FRMD4A: variants seen among roughly 807,000 people sequenced by gnomAD.
FRMD4A encodes the protein FERM domain-containing protein 4A.
Under a neutral mutation model 129.1 loss-of-function variants are expected in FRMD4A, and 29 were observed. That is an observed-to-expected ratio of 0.22 (90% confidence interval 0.17 to 0.31). The LOEUF (loss-of-function observed/expected upper bound fraction) is 0.31. Among genes scored for constraint, FRMD4A ranks in the 10% least tolerant of loss-of-function variants. FRMD4A has a pLI of 1.00. For missense variants in FRMD4A, 1,272 were observed against 1,375.8 expected, an observed-to-expected ratio of 0.92 and a Z score of 1.19; for synonymous variants, 634 against 571.6, an observed-to-expected ratio of 1.11 and a Z score of -1.56.
intron 4 of FRMD4A, among the ~76,000 whole-genome samples, chr10:13,803,373 C>T (rs1330372142): frequency 1.3e-5 from 2 of 152,050 alleles, no homozygotes; most frequent in African/African-American, 2.4e-5. Context: ...TTTCTGTTGC[C>T]CAGGCTGGAG....
intron 4 of FRMD4A, among the ~76,000 whole-genome samples, chr10:13,808,694 C>T (rs2093397521): frequency 6.6e-6 from 1 of 152,238 alleles, no homozygotes; most frequent in Non-Finnish European, 1.5e-5. Flanking sequence ...TGCCCTTTCC[C>T]CTGGTGCACC....
chr10:14,132,028 G>A (rs1052113344), intron 2 of FRMD4A, among the ~76,000 whole-genome samples: 1 of 152,214 alleles, frequency 6.6e-6, no homozygotes, highest in African/African-American at 2.4e-5. Flanking sequence ...GGTGCAGTCT[G>A]TAATCCCAGC....
chr10:13,846,784 A>T (rs1483163133), intron 3 of FRMD4A, among the ~76,000 whole-genome samples: 3 of 152,332 alleles, frequency 2.0e-5, no homozygotes, highest in African/African-American at 7.2e-5. Context: ...GCAATCCAAT[A>T]GTATGGGCTG....
intron 6 of FRMD4A, among the ~76,000 whole-genome samples, chr10:13,782,512 T>G (rs187214975): frequency 1.1e-4 from 17 of 151,698 alleles, no homozygotes; most frequent in African/African-American, 4.1e-4. Flanking sequence ...GGCGTGATCT[T>G]AGCTCACTGC....
chr10:13,806,068 G>T (rs1368771275), intron 4 of FRMD4A, among the ~76,000 whole-genome samples: 1 of 151,920 alleles, frequency 6.6e-6, no homozygotes, highest in Non-Finnish European at 1.5e-5. Context: ...ATGTTGCCAG[G>T]GTGATCTCGA....
intron 2 of FRMD4A, among the ~76,000 whole-genome samples, chr10:14,039,479 T>A (rs908116729): frequency 8.8e-5 from 13 of 148,492 alleles, no homozygotes; most frequent in South Asian, 4.3e-4. Flanking sequence ...TCTATCTATC[T>A]ATCTATCTAT....
At chr10:14,029,638 T>C (rs909799026) in intron 2 of FRMD4A, among the ~76,000 whole-genome samples, 57 of 152,170 alleles carry the variant, frequency 3.7e-4, no homozygotes, top group Non-Finnish European at 5.3e-4. Flanking sequence ...CACCACACAG[T>C]GGATCAGAAT....
chr10:13,718,835 C>G (rs2089134090), intron 12 of FRMD4A, among the ~76,000 whole-genome samples: 1 of 152,256 alleles, frequency 6.6e-6, no homozygotes, highest in Non-Finnish European at 1.5e-5. Context: ...TCTGCCAAAG[C>G]AATGATCATG....
chr10:14,021,985 T>C (rs777393005), intron 2 of FRMD4A, among the ~76,000 whole-genome samples: 14 of 152,184 alleles, frequency 9.2e-5, no homozygotes, highest in Admixed American at 5.9e-4. Context: ...CAGCAAAAGT[T>C]AAATTTTACA....
At position 14,127,346 on chromosome 10, in the gene FRMD4A, T is replaced by C. The variant is rs116970604; in HGVS notation, c.45+202712A>G. On this transcript the variant is annotated intron_variant, in intron 2 of 24. Coordinates refer to ENST00000357447, the MANE Select transcript of FRMD4A (RefSeq NM_018027.5). ...CCTCTGCTCTTCTTGTTTTGCAAGGTCGTACATTTTCTTTTGTGAAAACTA... is the reference window on the plus strand; with the variant it reads ...CCTCTGCTCTTCTTGTTTTGCAAGGCCGTACATTTTCTTTTGTGAAAACTA... Among the ~76,000 whole-genome samples, 705 of 152,306 alleles carry C rather than the reference T, an allele frequency of 4.6e-3. 6 individuals carry two copies. Among genetic ancestry groups the C allele is most frequent in the East Asian group, 0.04 (205 of 5,180 alleles).
intron 3 of FRMD4A, among the ~76,000 whole-genome samples, chr10:13,838,500 CT>C (rs1235199878): frequency 4.6e-4 from 67 of 145,900 alleles, no homozygotes; most frequent in African/African-American, 1.3e-3. Context: ...CCCTCCCTCC[CT>C]TTTTTTTTTG....
chr10:13,955,529 G>A (rs1259100722), intron 2 of FRMD4A, among the ~76,000 whole-genome samples: 1 of 152,178 alleles, frequency 6.6e-6, no homozygotes, highest in Non-Finnish European at 1.5e-5. Flanking sequence ...ATTCCCTCTG[G>A]CCCTGGGCAT....
At chr10:14,034,054 C>G (rs12264239) in intron 2 of FRMD4A, among the ~76,000 whole-genome samples, 37,362 of 151,850 alleles carry the variant, frequency 0.25, 4,900 homozygotes, top group African/African-American at 0.33. Flanking sequence ...AAACACGGGT[C>G]CACTATGTTG....
chr10:13,756,656 T>C (rs919839651), intron 8 of FRMD4A, among the ~76,000 whole-genome samples: 7 of 152,202 alleles, frequency 4.6e-5, no homozygotes, highest in African/African-American at 1.7e-4. Context: ...TGAGCCACCA[T>C]GCTTTGCTTA....
chr10:14,168,810 AG>A (rs1841326229), intron 2 of FRMD4A, among the ~76,000 whole-genome samples: 1 of 152,230 alleles, frequency 6.6e-6, no homozygotes, highest in Admixed American at 6.5e-5. Context: ...GGCTCAAAAA[AG>A]GTACACCCTA....
intron 15 of FRMD4A, 175 bp downstream of exon 15, chr10:13,693,723 G>A (rs774659543): frequency 1.3e-6 from 1 of 755,092 alleles, no homozygotes. Context: ...TTTGATTCCT[G>A]GGAGCAGTTT....
rs117172599 is a variant in FRMD4A, at chr10:14,157,650, T to A, written c.45+172408A>T. Among the ~76,000 whole-genome samples the A allele has an allele frequency of 1.7e-3, 252 of 152,350 alleles. 4 individuals carry two copies. The East Asian group carries it at 0.02, about 12-fold the overall frequency. On this transcript the variant is annotated intron_variant, in intron 2 of 24. Transcript: ENST00000357447. ...TTCTCTGGCTGAGTTAAGGGCCACCTGGTCTTAGCATCTTGCACTCACACA... is the reference window on the plus strand; with the variant it reads ...TTCTCTGGCTGAGTTAAGGGCCACCAGGTCTTAGCATCTTGCACTCACACA...
intron 2 of FRMD4A, among the ~76,000 whole-genome samples, chr10:13,900,271 T>C (rs1325888692): frequency 6.6e-6 from 1 of 152,230 alleles, no homozygotes; most frequent in Non-Finnish European, 1.5e-5. Context: ...TGTTATTTTT[T>C]CACCAACAGC....
At chr10:14,288,104 C>T (rs1402492831) in intron 2 of FRMD4A, among the ~76,000 whole-genome samples, 2 of 152,138 alleles carry the variant, frequency 1.3e-5, no homozygotes, top group African/African-American at 2.4e-5. Context: ...GCCAACCCAT[C>T]CCCTCTCATC....
Sources: allele counts gnomAD v4.1 joint callset (sites outside exome capture counted in the v4.1 genomes callset), GRCh38; gene constraint gnomAD v4.1.1; transcripts MANE v1.5; gene names NCBI Gene and HGNC (gene_info 2026-07-23, HGNC 2026-07-21).